SCRN1: variants seen among roughly 807,000 people sequenced by gnomAD.
The protein encoded by SCRN1 is secernin-1.
Under a neutral mutation model 43.3 loss-of-function variants are expected in SCRN1, and 19 were observed. The ratio of observed to expected loss-of-function variants is 0.44; its 90% CI spans 0.31 to 0.64. The LOEUF (loss-of-function observed/expected upper bound fraction) is 0.64, where lower values mean the gene tolerates loss of function less well. Among genes scored for constraint, SCRN1 ranks in the 30% least tolerant of loss-of-function variants. SCRN1 has a pLI of 0.09. For synonymous variants in SCRN1, 183 were observed against 188.9 expected, an observed-to-expected ratio of 0.97 and a Z score of 0.26; for missense variants, 447 against 524.1, an observed-to-expected ratio of 0.85 and a Z score of 1.44.
intron 1 of SCRN1, among the ~76,000 whole-genome samples, chr7:29,979,550 C>T (rs1788937696): frequency 2.0e-5 from 3 of 151,628 alleles, no homozygotes; most frequent in African/African-American, 7.3e-5. Context: ...CTCATTACGC[C>T]GTGCCCATTC....
intron 2 of SCRN1, among the ~76,000 whole-genome samples, chr7:29,963,169 T>C (rs1788383586): frequency 6.6e-6 from 1 of 152,160 alleles, no homozygotes; most frequent in South Asian, 2.1e-4. Flanking sequence ...TTATGATCTC[T>C]ATCTGGCAAA....
Position 29,965,115 on chromosome 7 carries a change from CTCTAAAAATAG to C in SCRN1, c.159+3783_159+3793del, listed in dbSNP as rs1318298172. 6.6e-6 allele frequency among the ~76,000 whole-genome samples: 1 copy of C among 151,894 alleles called. No individual in the cohort carries two copies. The highest frequency in any genetic ancestry group is 1.5e-5 in the Non-Finnish European group (1 of 67,994). ...TCATTTTTCTGTAAACATAAAACTG[CTCTAAAAATAG>C]TCTATCAATTTAAAATAGAAAAGAA... On this transcript the variant is annotated intron_variant, in intron 2 of 7. Transcript: ENST00000242059. The surrounding 1 kb of genome is among the most constrained non-coding windows in gnomAD (Gnocchi z 4.2).
chr7:29,963,327 A>G (rs1338748296), intron 2 of SCRN1, among the ~76,000 whole-genome samples: 1 of 152,114 alleles, frequency 6.6e-6, no homozygotes, highest in Non-Finnish European at 1.5e-5. Flanking sequence ...TGCATAGAGG[A>G]GTATCAGGCT....
chr7:29,989,923 C>T (rs370691103), upstream of SCRN1: 2 of 1,151,498 alleles, frequency 1.7e-6, no homozygotes, highest in East Asian at 5.2e-5. Flanking sequence ...TCTGGCTGCA[C>T]GGGCCGCGGC....
chr7:29,951,006 C>G (rs1269442836), intron 3 of SCRN1, among the ~76,000 whole-genome samples: 1 of 152,210 alleles, frequency 6.6e-6, no homozygotes, highest in Non-Finnish European at 1.5e-5. Context: ...GAAGCACACC[C>G]CCAGCCCCCA....
At chr7:29,941,294 C>T (rs1380399161) in intron 4 of SCRN1, among the ~76,000 whole-genome samples, 2 of 152,234 alleles carry the variant, frequency 1.3e-5, no homozygotes, top group Admixed American at 1.3e-4. Context: ...TGTTCCTCTA[C>T]AGCAATGCTC....
In SCRN1 at chr7:29,959,047, G is replaced by A. The variant is rs555853586; in HGVS notation, c.160-3687C>T. Among the ~76,000 whole-genome samples, 33 of 152,198 alleles carry A rather than the reference G, an allele frequency of 2.2e-4. 1 individual carries two copies. Among genetic ancestry groups the A allele is most frequent in the Non-Finnish European group, 4.3e-4 (29 of 68,016 alleles). On this transcript the variant is annotated intron_variant, in intron 2 of 7. Transcript: ENST00000242059. ...CTTCATTATTTTGTGAGATTACGTCGAAAATGAAAAGAAAGATCAGCTTCA... is the reference window on the plus strand; with the variant it reads ...CTTCATTATTTTGTGAGATTACGTCAAAAATGAAAAGAAAGATCAGCTTCA...
Position 29,923,924 on chromosome 7 carries a change from T to C in SCRN1, c.*33A>G. 2 of 1,577,196 alleles carry C rather than the reference T, an allele frequency of 1.3e-6. No individual in the cohort carries two copies. Among genetic ancestry groups the C allele is most frequent in the South Asian group, 2.3e-5 (2 of 85,280 alleles). ...GCTGGTAATTTAGTAAGGTGGGAAG[T>C]CTTAAATAAGAAGGGGAAAGGGAAC... On this transcript the variant is annotated 3_prime_UTR_variant, in exon 8 of 8. Coordinates refer to ENST00000242059, the MANE Select transcript of SCRN1 (RefSeq NM_014766.5).
chr7:29,989,403 A>T (rs1483361107), intron 1 of SCRN1, among the ~76,000 whole-genome samples: 4 of 151,008 alleles, frequency 2.6e-5, no homozygotes, highest in Non-Finnish European at 5.9e-5. Context: ...CCTCCACTGC[A>T]CCCCCGCAGT....
chr7:29,924,247 C>G (rs184655284), intron 7 of SCRN1, 132 bp from the exon 8 acceptor site: 2 of 808,318 alleles, frequency 2.5e-6, no homozygotes, highest in East Asian at 2.7e-5. Flanking sequence ...GTTTCACACA[C>G]GACTGCCGCA....
intron 2 of SCRN1, among the ~76,000 whole-genome samples, chr7:29,960,013 G>A (rs959272353): frequency 2.9e-4 from 42 of 144,160 alleles, no homozygotes; most frequent in African/African-American, 1.1e-3. Context: ...AAGGAAGGGA[G>A]GGAGGGAGGG....
In SCRN1 at chr7:29,936,628, C is replaced by T; in HGVS notation, c.833G>A (p.Gly278Glu). ...TCTATTCTGCGGCAGGACAGACACT[C>T]CACTGGCTGTGGTGAGGAAAAACTC... ...DSEFFLTTAS[G>E]VSVLPQNRSS... is the part of the protein sequence containing the mutation. Residue 278 changes from glycine (G) to glutamate (E), a missense_variant, in exon 6 of 8, where the codon GGA becomes GAA. Physicochemically the swap from Gly to Glu is moderately conservative, Grantham distance 98. Transcript: ENST00000242059. 1 of 1,608,152 alleles carries T rather than the reference C, an allele frequency of 6.2e-7. No individual in the cohort carries two copies. The highest frequency in any genetic ancestry group is 1.7e-5 in the Admixed American group (1 of 59,890).
chr7:29,933,063 A>T (rs1787213931), intron 6 of SCRN1, among the ~76,000 whole-genome samples: 2 of 151,830 alleles, frequency 1.3e-5, no homozygotes, highest in Non-Finnish European at 2.9e-5. Context: ...TTTTTTTAGT[A>T]GAGACAGGGT....
At chr7:29,947,231 G>C in intron 3 of SCRN1, 12 of 1,550,634 alleles carry the variant, frequency 7.7e-6, no homozygotes, top group Non-Finnish European at 1.0e-5. Flanking sequence ...TCAATTCCTA[G>C]TTTTATAGGA....
intron 3 of SCRN1, among the ~76,000 whole-genome samples, chr7:29,951,404 C>T (rs1183881876): frequency 1.3e-5 from 2 of 152,162 alleles, no homozygotes; most frequent in Non-Finnish European, 2.9e-5. Flanking sequence ...TGTGCAGGGC[C>T]AAGTGGTGGA....
chr7:29,930,062 C>A (rs1406814837), intron 6 of SCRN1, among the ~76,000 whole-genome samples: 3 of 152,024 alleles, frequency 2.0e-5, no homozygotes, highest in African/African-American at 7.3e-5. Flanking sequence ...TCTAAAGCAG[C>A]CAAAGCTCTC....
chr7:29,985,381 T>C (rs1037601364), intron 1 of SCRN1, among the ~76,000 whole-genome samples: 1 of 113,932 alleles, frequency 8.8e-6, no homozygotes, highest in Non-Finnish European at 1.9e-5. Flanking sequence ...CACTCCAGCC[T>C]GGGTGACAGA....
chr7:29,979,374 GA>G (rs891362704), intron 1 of SCRN1, among the ~76,000 whole-genome samples: 3 of 150,886 alleles, frequency 2.0e-5, no homozygotes, highest in Non-Finnish European at 3.0e-5. Flanking sequence ...AAAAGAAAAA[GA>G]AAAAAAAATT....
In SCRN1 at chr7:29,923,814, C is replaced by T. The variant is rs1786849610; in HGVS notation, c.*143G>A. The stretch of plus-strand genomic sequence containing the variant: ...ACGCTGTGAGATTCAAGGTGGAACA[C>T]AAGGTAACAGTTTGATCTGGCTTCA... On this transcript the variant is annotated 3_prime_UTR_variant, in exon 8 of 8. Transcript: ENST00000242059. 3 of 871,164 alleles carry T rather than the reference C, an allele frequency of 3.4e-6. No homozygotes were observed. The highest frequency in any genetic ancestry group is 5.4e-6 in the Non-Finnish European group (3 of 557,230). The allele number at this position is 871,164 out of a possible 1,614,324, so 54.0% of individuals were successfully genotyped here.
Sources: allele counts gnomAD v4.1 joint callset (sites outside exome capture counted in the v4.1 genomes callset), GRCh38; gene constraint gnomAD v4.1.1; non-coding constraint Gnocchi (gnomAD v3.1); transcripts MANE v1.5; gene names NCBI Gene and HGNC (gene_info 2026-07-23, HGNC 2026-07-21).